The following FGF12 variants were observed in gnomAD, a reference collection of about 807,000 sequenced individuals.
FGF12 encodes fibroblast growth factor 12, also known as fibroblast growth factor 12B.
A neutral mutation model predicts 23.6 loss-of-function variants in FGF12; 14 were observed. The ratio of observed to expected loss-of-function variants is 0.59; its 90% CI spans 0.39 to 0.93. FGF12 has a LOEUF of 0.93. Ranked by LOEUF, FGF12 falls within the 40% of genes least tolerant of loss-of-function variation. The probability of loss-of-function intolerance (pLI) is 0.00; values close to 1 mark genes in which losing one functional copy is unlikely to be tolerated. For missense variants in FGF12, 175 were observed against 217.8 expected (o/e 0.80, Z 1.24); for synonymous variants, 62 against 77.3 (o/e 0.80, Z 1.04).
Position 192,360,305 on chromosome 3 carries a change from C to T in FGF12, c.124+123G>A, listed in dbSNP as rs1391086454. On this transcript the variant is annotated intron_variant, in intron 3 of 5. Transcript: ENST00000445105. The surrounding 1 kb of genome is among the most constrained non-coding windows in gnomAD (Gnocchi z 4.3). ...GGATAAAGGAAAAGACACTAGCTTA[C>T]TAATAGTTAAATAGTTTGAAAGGCA... is the stretch of plus-strand genomic sequence containing the variant. The T allele has an allele frequency of 3.0e-6, 2 of 670,544 alleles. No individual in the cohort carries two copies. The highest frequency in any genetic ancestry group is 5.4e-6 in the Non-Finnish European group (2 of 373,802). 41.5% of individuals were successfully genotyped at this position (670,544 alleles called of 1,614,324 possible).
chr3:192,174,011 C>A (rs1182376125), intron 4 of FGF12, among the ~76,000 whole-genome samples: 2 of 152,188 alleles, frequency 1.3e-5, no homozygotes, highest in Admixed American at 1.3e-4. Flanking sequence ...GAACAACGGG[C>A]TCCTCGCTGC....
intron 2 of FGF12, among the ~76,000 whole-genome samples, chr3:192,657,957 T>G (rs1003101773): frequency 6.8e-6 from 1 of 146,288 alleles, no homozygotes; most frequent in East Asian, 2.1e-4. Context: ...ATTTCTGCAA[T>G]GAGTACCACG....
At chr3:192,531,157 A>G (rs1725079947) in intron 2 of FGF12, among the ~76,000 whole-genome samples, 3 of 152,224 alleles carry the variant, frequency 2.0e-5, no homozygotes, top group Admixed American at 2.0e-4. Context: ...TTGGACAGCA[A>G]GATAGTTTAC....
chr3:192,194,493 G>C (rs938634634), intron 4 of FGF12, among the ~76,000 whole-genome samples: 1 of 152,152 alleles, frequency 6.6e-6, no homozygotes, highest in Admixed American at 6.5e-5. Flanking sequence ...TATTACTCTG[G>C]ATGAAATTTT....
intron 2 of FGF12, among the ~76,000 whole-genome samples, chr3:192,398,114 C>A (rs889301508): frequency 2.7e-4 from 41 of 151,906 alleles, no homozygotes; most frequent in African/African-American, 9.9e-4. Flanking sequence ...AATTTCTAAT[C>A]CTTGAAGAGA....
At chr3:192,213,409 C>A (rs1718035013) in intron 4 of FGF12, among the ~76,000 whole-genome samples, 1 of 152,124 alleles carries the variant, frequency 6.6e-6, no homozygotes, top group African/African-American at 2.4e-5. Flanking sequence ...TATTTCCAGA[C>A]ATGAATTAAG....
At chr3:192,552,397 CA>C (rs1472928749) in intron 2 of FGF12, among the ~76,000 whole-genome samples, 1 of 152,066 alleles carries the variant, frequency 6.6e-6, no homozygotes, top group Non-Finnish European at 1.5e-5. Flanking sequence ...ATTCAAAATT[CA>C]AAATTTGTTT....
chr3:192,554,691 C>A (rs1711685898), intron 2 of FGF12, among the ~76,000 whole-genome samples: 2 of 148,148 alleles, frequency 1.3e-5, no homozygotes, highest in Non-Finnish European at 1.5e-5. Context: ...ATAAAAGGAA[C>A]AAAATAAATC....
intron 4 of FGF12, among the ~76,000 whole-genome samples, chr3:192,288,605 T>C (rs1431279386): frequency 6.6e-6 from 1 of 152,096 alleles, no homozygotes; most frequent in Non-Finnish European, 1.5e-5. Context: ...GGCCATCCTA[T>C]TTTCTTGAAT....
At chr3:192,337,225 A>T (rs1439611210) in intron 3 of FGF12, among the ~76,000 whole-genome samples, 1 of 152,180 alleles carries the variant, frequency 6.6e-6, no homozygotes, top group African/African-American at 2.4e-5. Context: ...TCCCTATGTT[A>T]CAGAAGTTCA....
intron 2 of FGF12, among the ~76,000 whole-genome samples, chr3:192,592,222 C>T (rs11706836): frequency 0.23 from 34,685 of 151,728 alleles, 5,076 homozygotes; most frequent in East Asian, 0.34. Flanking sequence ...ATGAAGATTG[C>T]ACACATTTTA....
At chr3:192,342,858 T>G (rs776006954) in intron 3 of FGF12, among the ~76,000 whole-genome samples, 2 of 152,186 alleles carry the variant, frequency 1.3e-5, no homozygotes, top group Admixed American at 6.5e-5. Context: ...AGTGCTATGT[T>G]TTACTCAGCT....
At chr3:192,410,787 G>A (rs1721175362) in intron 2 of FGF12, among the ~76,000 whole-genome samples, 1 of 152,156 alleles carries the variant, frequency 6.6e-6, no homozygotes, top group Non-Finnish European at 1.5e-5. Context: ...GACAAGGACA[G>A]TCAACAACAA....
chr3:192,205,136 GA>G (rs962570772), intron 4 of FGF12, among the ~76,000 whole-genome samples: 2 of 150,736 alleles, frequency 1.3e-5, no homozygotes, highest in African/African-American at 2.4e-5. Context: ...ACAGCCATTA[GA>G]AAAAAAAAGA....
At chr3:192,483,102 T>C (rs1258144682) in intron 2 of FGF12, among the ~76,000 whole-genome samples, 1 of 152,186 alleles carries the variant, frequency 6.6e-6, no homozygotes, top group Non-Finnish European at 1.5e-5. Context: ...CCGTCCAGCA[T>C]TCCTAGACAC....
At chr3:192,580,173 T>C (rs989233560) in intron 2 of FGF12, among the ~76,000 whole-genome samples, 2 of 152,188 alleles carry the variant, frequency 1.3e-5, no homozygotes, top group African/African-American at 4.8e-5. Context: ...TTTGCTTATA[T>C]ACTTACTTAT....
intron 4 of FGF12, among the ~76,000 whole-genome samples, chr3:192,328,133 G>T (rs1426726413): frequency 6.6e-6 from 1 of 152,206 alleles, no homozygotes; most frequent in Non-Finnish European, 1.5e-5. Flanking sequence ...AGAGTCACAG[G>T]TACGTATTTA....
At chr3:192,599,254 T>TGTA (rs1714001763) in intron 2 of FGF12, among the ~76,000 whole-genome samples, 1 of 98,348 alleles carries the variant, frequency 1.0e-5, no homozygotes, top group Admixed American at 1.0e-4. Context: ...GAACTTGAAG[T>TGTA]ATAATAATAA....
chr3:192,274,582 A>G (rs1713658484), intron 4 of FGF12, among the ~76,000 whole-genome samples: 1 of 137,176 alleles, frequency 7.3e-6, no homozygotes, highest in Admixed American at 7.7e-5. Flanking sequence ...GAGAGGAGAG[A>G]GAAGAGGGGA....
Sources: gnomAD v4.1 joint callset for allele counts (sites outside exome capture counted in the v4.1 genomes callset) on GRCh38, gnomAD v4.1.1 for gene constraint, Gnocchi (gnomAD v3.1) non-coding constraint, MANE v1.5 for transcripts, NCBI Gene and HGNC (gene_info 2026-07-23, HGNC 2026-07-21) for gene names.